Variants in HAL observed in about 807,000 individuals in gnomAD.
The protein encoded by HAL is histidase.
Under a neutral mutation model 81.1 loss-of-function variants are expected in HAL, and 85 were observed. That is an observed-to-expected ratio of 1.05 (90% CI 0.88 to 1.25). The LOEUF is 1.25. Among genes scored for constraint, HAL ranks in the 50% most tolerant of loss-of-function variants. HAL has a pLI of 0.00. For synonymous variants in HAL, 301 were observed against 309.2 expected (o/e 0.97, Z 0.28); for missense variants, 798 against 836.6 (o/e 0.95, Z 0.57).
rs1264275112 is a variant in HAL at position 95,976,675 on chromosome 12, CT to C, written c.1685del (p.Gln562ArgfsTer3). 1.9e-6 allele frequency: 3 copies of C among 1,612,964 alleles called. No homozygotes were observed. Among genetic ancestry groups the C allele is most frequent in the South Asian group, 1.1e-5 (1 of 91,062 alleles). On this transcript the variant is annotated frameshift_variant, in exon 19 of 21. Transcript: ENST00000261208. LOFTEE classifies it high-confidence loss of function. ...VLAIELLAAC[Q>X]GIEFLRPLKT... ...TCAGGGGACGTAGAAACTCTATGCC[CT>C]GGCAGGCTGCAAGGAGCTCGATGGC...
chr12:95,976,104 A>C (rs984537470), intron 20 of HAL: 8 of 383,586 alleles, frequency 2.1e-5, no homozygotes, highest in African/African-American at 1.7e-4. Flanking sequence ...CGCACTTTTG[A>C]ATCAAAGAGG....
Position 95,980,606 on chromosome 12 carries a change from C to A in HAL, c.1469G>T (p.Gly490Val), listed in dbSNP as rs968525570. The change falls in exon 17 of 21, where the codon GGT becomes GTT. Residue 490 changes from glycine to valine, a missense_variant. By Grantham distance (109) the Gly-to-Val change is moderately radical. Coordinates refer to ENST00000261208, the MANE Select transcript of HAL (RefSeq NM_002108.4). ...SELPAFLVAE[G>V]GLNSGFMIAH... ...TATCATGAACCCAGAGTTCAGACCA[C>A]CTTCAGCCACCAGGAAGGCAGGCAG... 1.9e-6 allele frequency: 3 copies of A among 1,614,086 alleles called. No homozygotes were observed. Among genetic ancestry groups the A allele is most frequent in the Non-Finnish European group, 1.7e-6 (2 of 1,180,004 alleles).
Position 95,976,516 on chromosome 12 carries a change from C to T in HAL, c.1764-18G>A. ...TCCAGGGCCTACAGGGAGAGCACAT[C>T]CGCCCATCAGCCAAACATGAAACCC... On this transcript the variant is annotated intron_variant, in intron 19 of 20. Transcript: ENST00000261208. 6.2e-7 allele frequency: 1 copy of T among 1,613,204 alleles called. No individual in the cohort carries two copies. Among genetic ancestry groups the T allele is most frequent in the Non-Finnish European group, 8.5e-7 (1 of 1,179,126 alleles).
intron 12 of HAL, 29 bp from the exon 13 acceptor site, chr12:95,986,189 A>G: frequency 1.6e-6 from 2 of 1,255,614 alleles, no homozygotes; most frequent in Non-Finnish European, 2.3e-6. Flanking sequence ...AAAAAGTCTG[A>G]ATAATTCCAT....
chr12:95,986,876 T>G (rs1202222798), intron 12 of HAL, among the ~76,000 whole-genome samples, 191 bp downstream of exon 12: 1 of 151,974 alleles, frequency 6.6e-6, no homozygotes, highest in African/African-American at 2.4e-5. Context: ...ATCTGTAAAT[T>G]GCAGTTCTTT....
intron 8 of HAL, among the ~76,000 whole-genome samples, chr12:95,993,136 A>G (rs1237949676): frequency 6.6e-6 from 1 of 152,146 alleles, no homozygotes; most frequent in African/African-American, 2.4e-5. Context: ...GATTGGTGAC[A>G]GTCTTTCCCA....
At chr12:95,994,281 A>G in intron 4 of HAL, 117 bp from the exon 5 acceptor site, 1 of 796,468 alleles carries the variant, frequency 1.3e-6, no homozygotes. Context: ...TGCGTGAAAC[A>G]TGAATATGCT....
In HAL at chr12:95,990,512, G is replaced by A. The variant is rs1432928628; in HGVS notation, c.736C>T (p.Pro246Ser). 6.2e-7 allele frequency: 1 copy of A among 1,613,410 alleles called. No individual in the cohort carries two copies. Among genetic ancestry groups the A allele is most frequent in the African/African-American group, 1.3e-5 (1 of 74,908 alleles). The change falls in exon 10 of 21, where the codon CCA (proline) becomes TCA (serine). Residue 246 changes from proline (P) to serine (S), a missense_variant. Coordinates refer to ENST00000261208, the MANE Select transcript of HAL (RefSeq NM_002108.4). ...MFNASCLPYV[P>S]EKGTVGASGD... ...CTGGCACCAACGGTTCCTTTCTCTG[G>A]GACATAGGGCAGGCAGGAGGCTGGG... is the stretch of plus-strand genomic sequence containing the variant.
At position 95,994,233 on chromosome 12, in the gene HAL, C is replaced by A. The variant is rs116716288; in HGVS notation, c.337-69G>T. 220 of 968,542 alleles carry A rather than the reference C, an allele frequency of 2.3e-4. No individual in the cohort carries two copies. In the African/African-American group the frequency reaches 3.0e-3, roughly 13 times the overall value. 60.0% of individuals were successfully genotyped at this position (968,542 alleles called of 1,614,324 possible). ...TATTCTAACCAGAGTAGGGACACCTCCAACAGAACCAAACTGACATTTCAG... is the reference window on the plus strand; with the variant it reads ...TATTCTAACCAGAGTAGGGACACCTACAACAGAACCAAACTGACATTTCAG... On this transcript the variant is annotated intron_variant, in intron 4 of 20. Coordinates refer to ENST00000261208, the MANE Select transcript of HAL (RefSeq NM_002108.4).
At position 95,977,953 on chromosome 12, in the gene HAL, C is replaced by T. The variant is rs61937878; in HGVS notation, c.1645G>A (p.Val549Met). The change falls in exon 18 of 21, where the codon GTG (valine) becomes ATG (methionine). Residue 549 changes from valine to methionine, a missense_variant. Physicochemically the swap from Val to Met is conservative, Grantham distance 21. Coordinates refer to ENST00000261208, the MANE Select transcript of HAL (RefSeq NM_002108.4). ...AACTCATCAGCATTACCTTGCTCCA[C>T]ATGCTCGATGACCCTGAGGGCTTTC... ...ARKALRVIEH[V>M]EQVLAIELLA... 7,050 of 1,614,124 alleles carry T rather than the reference C, an allele frequency of 4.4e-3. 23 individuals are homozygous for T. Among genetic ancestry groups the T allele is most frequent in the Non-Finnish European group, 5.7e-3 (6,681 of 1,179,966 alleles).
chr12:95,980,372 A>G (rs769392965), intron 17 of HAL, among the ~76,000 whole-genome samples, 184 bp downstream of exon 17: 3 of 152,212 alleles, frequency 2.0e-5, no homozygotes, highest in Non-Finnish European at 4.4e-5. Flanking sequence ...CGAAGTTTTT[A>G]AACTATTTTT....
Position 95,983,928 on chromosome 12 carries a change from T to C in HAL, c.1270A>G (p.Ser424Gly). ...VKNIITTELN[S>G]ATDNPMVFAN... ...AAAGATACAGGATTATCTGTTGCGC[T>C]GTTCAGTTCTGTGGTAATGATGTTC... The change falls in exon 15 of 21, where the codon AGC (serine) becomes GGC (glycine). Residue 424 changes from serine to glycine, a missense_variant. Physicochemically the swap from Ser to Gly is moderately conservative, Grantham distance 56. Coordinates refer to ENST00000261208, the MANE Select transcript of HAL (RefSeq NM_002108.4). 4 of 1,552,602 alleles carry C rather than the reference T, an allele frequency of 2.6e-6. No homozygotes were observed. Among genetic ancestry groups the C allele is most frequent in the Non-Finnish European group, 3.6e-6 (4 of 1,124,876 alleles).
chr12:95,993,429 G>A, intron 8 of HAL, 22 bp downstream of exon 8: 1 of 1,505,318 alleles, frequency 6.6e-7, no homozygotes. Context: ...AGATCCAGGA[G>A]GCACCCAACG....
At chr12:95,983,358 A>G (rs555690536) in intron 15 of HAL, among the ~76,000 whole-genome samples, 1 of 152,252 alleles carries the variant, frequency 6.6e-6, no homozygotes, top group South Asian at 2.1e-4. Flanking sequence ...ACTGCACTCC[A>G]GCCTAGGAGA....
intron 15 of HAL, among the ~76,000 whole-genome samples, chr12:95,982,201 C>T (rs574399264): frequency 2.0e-5 from 3 of 152,202 alleles, no homozygotes; most frequent in East Asian, 1.9e-4. Flanking sequence ...GATGGGGCTC[C>T]GTATCTGCAA....
In HAL at chr12:95,995,745, G is replaced by C; in HGVS notation, c.166C>G (p.Arg56Gly). The stretch of plus-strand genomic sequence containing the variant: ...AGCAGGCCCAGGCCCTTGCACCGGC[G>C]CACAAGGAAGTGCGCGTCATCCACG... ...TSVDDAHFLV[R>G]RCKGLGLLDN... The change falls in exon 2 of 21, where the codon CGC becomes GGC. Residue 56 changes from arginine (R) to glycine (G), a missense_variant. Transcript: ENST00000261208. The C allele has an allele frequency of 6.2e-7, 1 of 1,613,704 alleles. No individual in the cohort carries two copies. Among genetic ancestry groups the C allele is most frequent in the East Asian group, 2.2e-5 (1 of 44,882 alleles).
Position 95,995,871 on chromosome 12 carries a change from C to T in HAL, c.40G>A (p.Ala14Thr), listed in dbSNP as rs1301138509. The T allele has an allele frequency of 3.7e-6, 6 of 1,607,724 alleles. No individual in the cohort carries two copies. In the Admixed American group the frequency reaches 8.3e-5, roughly 22 times the overall value. ...AGCTGCGCGTCCTGGCAGGGCACTGCCAGCCATTCCCCACGTACGTGCACC... is the reference window on the plus strand; with the variant it reads ...AGCTGCGCGTCCTGGCAGGGCACTGTCAGCCATTCCCCACGTACGTGCACC... ...YTVHVRGEWL[A>T]VPCQDAQLTV... is the part of the protein sequence containing the mutation. The change falls in exon 2 of 21, where the codon GCA becomes ACA. Residue 14 changes from alanine (A) to threonine (T), a missense_variant. By Grantham distance (58) the Ala-to-Thr change is moderately conservative. Transcript: ENST00000261208.
chr12:95,984,474 T>G (rs1949852113), intron 14 of HAL, among the ~76,000 whole-genome samples: 1 of 152,250 alleles, frequency 6.6e-6, no homozygotes, highest in Admixed American at 6.5e-5. Context: ...GTAAAGTTCA[T>G]TAAGCACGAA....
Position 95,987,171 on chromosome 12 carries a change from C to T in HAL, c.947G>A (p.Gly316Asp). 1 of 1,613,880 alleles carries T rather than the reference C, an allele frequency of 6.2e-7. No individual in the cohort carries two copies. Among genetic ancestry groups the T allele is most frequent in the South Asian group, 1.1e-5 (1 of 91,080 alleles). ...ACTGGCTCGCTCTACAGCTTCACAG[C>T]CCAGGGATGTGATCATCTGCGTCCC... Reference protein sequence around the residue: ...INGTQMITSLGCEAVERASAI... With the variant: ...INGTQMITSLDCEAVERASAI... Residue 316 changes from glycine (G) to aspartate (D), a missense_variant, in exon 12 of 21, where the codon GGC becomes GAC. Gly to Asp is a moderately conservative substitution (Grantham distance 94). Coordinates refer to ENST00000261208, the MANE Select transcript of HAL (RefSeq NM_002108.4).
Sources: gnomAD v4.1 joint callset for allele counts (sites outside exome capture counted in the v4.1 genomes callset) on GRCh38, gnomAD v4.1.1 for gene constraint, MANE v1.5 for transcripts, NCBI Gene and HGNC (gene_info 2026-07-23, HGNC 2026-07-21) for gene names.